The following GNA12 variants were observed in gnomAD, a reference collection of about 807,000 sequenced individuals.
GNA12 encodes guanine nucleotide-binding protein subunit alpha-12.
GNA12 carries 9 observed loss-of-function variants against 26.0 expected under a neutral mutation model. The ratio of observed to expected loss-of-function variants is 0.35; its 90% CI spans 0.21 to 0.60. GNA12 has a LOEUF of 0.60. Ranked by LOEUF, GNA12 falls within the 20% of genes least tolerant of loss-of-function variation. The pLI, the probability that GNA12 is intolerant of heterozygous loss-of-function variation, is 0.78. For synonymous variants in GNA12, 264 were observed against 219.6 expected (o/e 1.20, Z -1.79); for missense variants, 405 against 525.8 (o/e 0.77, Z 2.25).
intron 1 of GNA12, among the ~76,000 whole-genome samples, chr7:2,840,277 G>A (rs948089811): frequency 6.6e-6 from 1 of 152,166 alleles, no homozygotes; most frequent in Non-Finnish European, 1.5e-5. Flanking sequence ...TTTAAAAAAG[G>A]CATGTTTAGT....
chr7:2,800,625 C>T (rs1261873127), intron 1 of GNA12, among the ~76,000 whole-genome samples: 2 of 152,056 alleles, frequency 1.3e-5, no homozygotes, highest in Non-Finnish European at 2.9e-5. Flanking sequence ...TAAGTTCCAA[C>T]GATGTGATGT....
At chr7:2,802,522 T>C (rs1792835971) in intron 1 of GNA12, among the ~76,000 whole-genome samples, 2 of 152,110 alleles carry the variant, frequency 1.3e-5, no homozygotes, top group Admixed American at 1.3e-4. Context: ...GATTAGTCAT[T>C]CCTTAGTAAA....
intron 1 of GNA12, among the ~76,000 whole-genome samples, chr7:2,828,196 C>T (rs1488870172): frequency 6.6e-6 from 1 of 152,120 alleles, no homozygotes; most frequent in African/African-American, 2.4e-5. Context: ...ACCTACAATT[C>T]AAAATGAAAA....
chr7:2,831,506 C>T (rs1337325660), intron 1 of GNA12, among the ~76,000 whole-genome samples: 1 of 150,918 alleles, frequency 6.6e-6, no homozygotes, highest in Admixed American at 6.7e-5. Flanking sequence ...CGGGTTCACG[C>T]CATTCTCCTG....
intron 1 of GNA12, among the ~76,000 whole-genome samples, chr7:2,797,622 C>G (rs1218859940): frequency 1.3e-5 from 2 of 152,176 alleles, no homozygotes; most frequent in Non-Finnish European, 2.9e-5. Context: ...TCATCTCTCT[C>G]CTGCAGCATC....
intron 2 of GNA12, among the ~76,000 whole-genome samples, chr7:2,791,103 T>C (rs1792506716): frequency 6.6e-6 from 1 of 152,230 alleles, no homozygotes; most frequent in South Asian, 2.1e-4. Context: ...GAGCAAGCTA[T>C]ATTTAAAAAT....
At chr7:2,759,140 AAAATAAATAAATAAATAAATAAATAAAT>A (rs3074427) in intron 2 of GNA12, among the ~76,000 whole-genome samples, 2 of 144,700 alleles carry the variant, frequency 1.4e-5, no homozygotes, top group Non-Finnish European at 3.0e-5. Context: ...ACACTGTCTC[AAAATAAATAAATAAATAAATAAATAAAT>A]AAATAAATAA....
At chr7:2,760,131 A>G (rs1389084787) in intron 2 of GNA12, among the ~76,000 whole-genome samples, 1 of 152,264 alleles carries the variant, frequency 6.6e-6, no homozygotes, top group Admixed American at 6.5e-5. Context: ...GTGGACAAAG[A>G]GAGCCCCACG....
intron 2 of GNA12, among the ~76,000 whole-genome samples, chr7:2,743,622 C>T (rs776794439): frequency 9.2e-5 from 14 of 152,216 alleles, no homozygotes; most frequent in South Asian, 6.2e-4. Context: ...ATGCAGAAGA[C>T]GGGTGATTTC....
At chr7:2,789,788 T>C (rs888621215) in intron 2 of GNA12, among the ~76,000 whole-genome samples, 8 of 152,114 alleles carry the variant, frequency 5.3e-5, no homozygotes, top group African/African-American at 1.7e-4. Context: ...GATGTGTGTG[T>C]GTGAGGCCTC....
At chr7:2,826,833 AG>A (rs2114968764) in intron 1 of GNA12, among the ~76,000 whole-genome samples, 1 of 152,204 alleles carries the variant, frequency 6.6e-6, no homozygotes, top group Non-Finnish European at 1.5e-5. Flanking sequence ...TTTTTAGGGC[AG>A]TGAAACTATT....
intron 2 of GNA12, chr7:2,762,570 C>A: frequency 6.9e-7 from 1 of 1,457,346 alleles, no homozygotes; most frequent in East Asian, 2.5e-5. Context: ...AATGACATTT[C>A]CTGAAAATTA....
intron 2 of GNA12, among the ~76,000 whole-genome samples, chr7:2,753,213 G>A (rs768734548): frequency 7.2e-5 from 11 of 152,084 alleles, no homozygotes; most frequent in Non-Finnish European, 1.3e-4. Context: ...GGAATGCAGC[G>A]GCATGATCAT....
chr7:2,793,288 G>C (rs1309703718), intron 2 of GNA12, among the ~76,000 whole-genome samples: 1 of 144,868 alleles, frequency 6.9e-6, no homozygotes, highest in Non-Finnish European at 1.5e-5. Flanking sequence ...AGGAGCGCGA[G>C]AGGAAGCAGC....
At chr7:2,733,323 T>C in intron 3 of GNA12, 128 bp downstream of exon 3, 1 of 747,852 alleles carries the variant, frequency 1.3e-6, no homozygotes, top group Non-Finnish European at 2.4e-6. Flanking sequence ...GTACTATTCG[T>C]GGTAATGTGA....
chr7:2,741,312 G>C (rs968850059), intron 2 of GNA12, among the ~76,000 whole-genome samples: 1 of 152,112 alleles, frequency 6.6e-6, no homozygotes, highest in East Asian at 1.9e-4. Context: ...CCATGATTGC[G>C]CCACTGCACT....
intron 2 of GNA12, among the ~76,000 whole-genome samples, chr7:2,766,537 C>T (rs1179342733): frequency 6.6e-6 from 1 of 152,164 alleles, no homozygotes; most frequent in South Asian, 2.1e-4. Context: ...AGGCACCCAC[C>T]ACCATGCCCA....
At chr7:2,743,743 C>T (rs576271690) in intron 2 of GNA12, among the ~76,000 whole-genome samples, 58 of 152,298 alleles carry the variant, frequency 3.8e-4, no homozygotes, top group Admixed American at 1.0e-3. Context: ...ACTCGGGAAG[C>T]GCAAGGGGTC....
intron 2 of GNA12, among the ~76,000 whole-genome samples, chr7:2,769,085 G>C (rs1208154071): frequency 6.6e-6 from 1 of 152,022 alleles, no homozygotes; most frequent in Non-Finnish European, 1.5e-5. Context: ...TGTATTTTTA[G>C]TAGAGACAAG....
Sources: gnomAD v4.1 joint callset for allele counts (sites outside exome capture counted in the v4.1 genomes callset) on GRCh38, gnomAD v4.1.1 for gene constraint, MANE v1.5 for transcripts, NCBI Gene and HGNC (gene_info 2026-07-23, HGNC 2026-07-21) for gene names.